The following TANC2 variants were observed in gnomAD, a reference collection of about 807,000 sequenced individuals.
TANC2 encodes the protein tetratricopeptide repeat, ankyrin repeat and coiled-coil containing 2.
A neutral mutation model predicts 210.5 loss-of-function variants in TANC2; 26 were observed. That is an observed-to-expected ratio of 0.12 (90% CI 0.09 to 0.17). The LOEUF (loss-of-function observed/expected upper bound fraction) is 0.17, where lower values mean the gene tolerates loss of function less well. Ranked by LOEUF, TANC2 falls within the 10% of genes least tolerant of loss-of-function variation. The pLI, the probability that TANC2 is intolerant of heterozygous loss-of-function variation, is 1.00. For synonymous variants in TANC2, 931 were observed against 967.1 expected, an observed-to-expected ratio of 0.96 and a Z score of 0.69; for missense variants, 2,129 against 2,608.9, an observed-to-expected ratio of 0.82 and a Z score of 4.01.
At chr17:63,037,064 C>A (rs1484459636) in intron 2 of TANC2, among the ~76,000 whole-genome samples, 1 of 151,876 alleles carries the variant, frequency 6.6e-6, no homozygotes, top group African/African-American at 2.4e-5. Context: ...TAAAATAGAA[C>A]AATTATTATA....
At chr17:63,204,342 C>G (rs551150939) in intron 7 of TANC2, among the ~76,000 whole-genome samples, 1 of 151,536 alleles carries the variant, frequency 6.6e-6, no homozygotes, top group East Asian at 1.9e-4. Context: ...AATTTTAAGA[C>G]TTAAATGGAA....
At chr17:63,214,641 G>A (rs1228790147) in intron 7 of TANC2, among the ~76,000 whole-genome samples, 1 of 152,174 alleles carries the variant, frequency 6.6e-6, no homozygotes, top group African/African-American at 2.4e-5. Context: ...AGGCAGACAT[G>A]CTTCCTCAGG....
At chr17:63,329,771 C>T (rs981537096) in intron 11 of TANC2, among the ~76,000 whole-genome samples, 2 of 152,162 alleles carry the variant, frequency 1.3e-5, no homozygotes, top group African/African-American at 2.4e-5. Context: ...ATCTCTGTCT[C>T]CTTGGGCCTC....
intron 4 of TANC2, among the ~76,000 whole-genome samples, chr17:63,106,681 A>G (rs192879874): frequency 1.3e-5 from 2 of 151,840 alleles, no homozygotes; most frequent in Admixed American, 6.5e-5. Flanking sequence ...TATGTTGAAC[A>G]CCTAAAAGGC....
Position 63,346,497 on chromosome 17 carries a change from T to C in TANC2, c.1808-4753T>C, listed in dbSNP as rs771301984. Among the ~76,000 whole-genome samples, 34 of 152,102 alleles carry C rather than the reference T, an allele frequency of 2.2e-4. 1 individual carries two copies. Among genetic ancestry groups the C allele is most frequent in the Non-Finnish European group, 1.3e-4 (9 of 68,016 alleles). On this transcript the variant is annotated intron_variant, in intron 12 of 27. Coordinates refer to ENST00000689528, the Ensembl canonical transcript of TANC2. ...AACAGCCTACAAGCACATGAAGAAG[T>C]GTTTAACATGAGTAATCAGGGAGAT...
chr17:63,356,229 C>A (rs996820533), intron 14 of TANC2, among the ~76,000 whole-genome samples: 3 of 152,276 alleles, frequency 2.0e-5, no homozygotes, highest in Middle Eastern at 3.4e-3. Flanking sequence ...AAACCTAGTT[C>A]TCTGGCATCC....
chr17:63,136,780 G>A (rs78949049), intron 4 of TANC2, among the ~76,000 whole-genome samples: 21 of 152,264 alleles, frequency 1.4e-4, no homozygotes, highest in African/African-American at 4.8e-4. Flanking sequence ...GAGAAAGGGC[G>A]TGGGTTGAGG....
chr17:63,187,077 A>G (rs1186546763), intron 5 of TANC2, among the ~76,000 whole-genome samples: 1 of 152,208 alleles, frequency 6.6e-6, no homozygotes, highest in Non-Finnish European at 1.5e-5. Context: ...GATGAGACAA[A>G]CATATAGGTC....
intron 1 of TANC2, among the ~76,000 whole-genome samples, chr17:62,977,480 C>T (rs927553751): frequency 4.6e-5 from 7 of 152,126 alleles, no homozygotes; most frequent in Non-Finnish European, 7.4e-5. Context: ...AAAATAACTT[C>T]ATATAATGAG....
intron 6 of TANC2, among the ~76,000 whole-genome samples, chr17:63,199,154 G>T (rs1338705521): frequency 6.6e-6 from 1 of 152,168 alleles, no homozygotes; most frequent in Non-Finnish European, 1.5e-5. Flanking sequence ...TATTCTCATA[G>T]CTAGTTATCA....
chr17:63,049,464 T>C (rs1428410583), intron 2 of TANC2, among the ~76,000 whole-genome samples: 1 of 152,126 alleles, frequency 6.6e-6, no homozygotes, highest in Non-Finnish European at 1.5e-5. Context: ...GGACAAGCCA[T>C]GCGGACATCT....
chr17:62,985,135 G>A (rs1328036447), intron 1 of TANC2, among the ~76,000 whole-genome samples: 1 of 152,170 alleles, frequency 6.6e-6, no homozygotes, highest in African/African-American at 2.4e-5. Context: ...TCTAAGGATA[G>A]CTTTGTTGGA....
intron 2 of TANC2, among the ~76,000 whole-genome samples, chr17:63,041,291 A>G (rs868571606): frequency 6.6e-6 from 1 of 152,206 alleles, no homozygotes; most frequent in African/African-American, 2.4e-5. Context: ...TAGTGACAGT[A>G]ACTAACTACA....
chr17:63,235,167 A>C (rs1329695067), intron 7 of TANC2, among the ~76,000 whole-genome samples: 1 of 151,978 alleles, frequency 6.6e-6, no homozygotes, highest in East Asian at 1.9e-4. Flanking sequence ...CTTCCTTTGG[A>C]AAGATTTTCT....
intron 19 of TANC2, among the ~76,000 whole-genome samples, chr17:63,403,539 CAA>C (rs1305088080): frequency 2.0e-5 from 3 of 152,138 alleles, no homozygotes. Context: ...ATTTAAAAAA[CAA>C]GAGATAAAAC....
intron 26 of TANC2, among the ~76,000 whole-genome samples, chr17:63,416,661 C>T (rs1031622312): frequency 1.3e-5 from 2 of 152,118 alleles, no homozygotes; most frequent in Admixed American, 1.3e-4. Flanking sequence ...TCTCAGAGAA[C>T]ACAGCCATGA....
At chr17:63,071,916 C>T (rs558165012) in intron 2 of TANC2, among the ~76,000 whole-genome samples, 32 of 152,078 alleles carry the variant, frequency 2.1e-4, no homozygotes, top group African/African-American at 7.0e-4. Context: ...AGTCAAACAT[C>T]CTTGGGTTAA....
At chr17:63,311,379 C>T (rs1209793200) in intron 9 of TANC2, among the ~76,000 whole-genome samples, 1 of 152,032 alleles carries the variant, frequency 6.6e-6, no homozygotes, top group African/African-American at 2.4e-5. Context: ...AATGATGAAA[C>T]AGTATATATA....
chr17:63,098,848 G>A (rs1406055191), intron 3 of TANC2, among the ~76,000 whole-genome samples: 1 of 145,254 alleles, frequency 6.9e-6, no homozygotes, highest in African/African-American at 2.6e-5. Context: ...TACCTTTAAT[G>A]TGTGTCTTAT....
Sources: allele counts gnomAD v4.1 joint callset (sites outside exome capture counted in the v4.1 genomes callset), GRCh38; gene constraint gnomAD v4.1.1; transcripts MANE v1.5; gene names NCBI Gene and HGNC (gene_info 2026-07-23, HGNC 2026-07-21).